ARNT2: variants seen among roughly 807,000 people sequenced by gnomAD.
ARNT2 encodes aryl hydrocarbon receptor nuclear translocator 2.
A neutral mutation model predicts 91.7 loss-of-function variants in ARNT2; 36 were observed. The observed-to-expected ratio is 0.39, with a 90% CI of 0.30 to 0.52. The LOEUF is 0.52. Among genes scored for constraint, ARNT2 ranks in the 20% least tolerant of loss-of-function variants. The probability of loss-of-function intolerance (pLI) is 0.72; values close to 1 mark genes in which losing one functional copy is unlikely to be tolerated. For synonymous variants in ARNT2, 365 were observed against 347.1 expected, an observed-to-expected ratio of 1.05 and a Z score of -0.57; for missense variants, 775 against 939.3, an observed-to-expected ratio of 0.83 and a Z score of 2.29.
At chr15:80,547,225 C>T (rs188010794) in intron 8 of ARNT2, among the ~76,000 whole-genome samples, 2 of 152,114 alleles carry the variant, frequency 1.3e-5, no homozygotes, top group Admixed American at 6.5e-5. Flanking sequence ...GCGCTGATGG[C>T]GTAAAAAGCA....
At chr15:80,436,736 G>T (rs1240105422) in intron 1 of ARNT2, among the ~76,000 whole-genome samples, 1 of 152,224 alleles carries the variant, frequency 6.6e-6, no homozygotes, top group Non-Finnish European at 1.5e-5. Flanking sequence ...GTCTTCATTT[G>T]TGCCTGGGAT....
intron 3 of ARNT2, among the ~76,000 whole-genome samples, chr15:80,466,541 C>T (rs1190042169): frequency 6.6e-6 from 1 of 152,228 alleles, no homozygotes; most frequent in African/African-American, 2.4e-5. Flanking sequence ...CAGGCTCACT[C>T]CTGCAGCTCC....
chr15:80,481,679 C>T (rs1896892287), intron 5 of ARNT2, among the ~76,000 whole-genome samples: 1 of 152,176 alleles, frequency 6.6e-6, no homozygotes, highest in African/African-American at 2.4e-5. Flanking sequence ...TGCCTCTACA[C>T]TCGAGCCTGG....
At position 80,580,534 on chromosome 15, in the gene ARNT2, G is replaced by A. The variant is rs372667174; in HGVS notation, c.1737G>A (p.Pro579=). 2.5e-5 allele frequency: 41 copies of A among 1,613,938 alleles called. 1 individual carries two copies. Among genetic ancestry groups the A allele is most frequent in the Middle Eastern group, 3.3e-4 (2 of 5,994 alleles). Residue 579 remains proline (P), a synonymous_variant, in exon 16 of 19, where the codon CCG becomes CCA. Transcript: ENST00000303329. ...AGGTGGCATGGACAGGGAGTCGTCC[G>A]CCCTTTCCGGGACAGGTATGGGCAT... ...QSQVAWTGSR[P]PFPGQQIPSQ...
chr15:80,541,562 G>A (rs1344728467), intron 8 of ARNT2, among the ~76,000 whole-genome samples: 1 of 152,060 alleles, frequency 6.6e-6, no homozygotes, highest in Non-Finnish European at 1.5e-5. Context: ...TCTTTCCCAA[G>A]GCTGATATCC....
At chr15:80,481,332 G>C (rs377671461) in intron 5 of ARNT2, among the ~76,000 whole-genome samples, 3 of 152,162 alleles carry the variant, frequency 2.0e-5, no homozygotes, top group African/African-American at 2.4e-5. Flanking sequence ...AGAGTTTAAA[G>C]ATGGTGCATT....
rs143246516 is a variant in ARNT2, at chr15:80,535,262, A to T, written c.878-15937A>T. Among the ~76,000 whole-genome samples, 859 of 152,290 alleles carry T rather than the reference A, an allele frequency of 5.6e-3. 12 individuals are homozygous for T. The highest frequency in any genetic ancestry group is 0.019 in the African/African-American group (792 of 41,536). ...TTAGTCCCAGAGTTAGTTTTATAAA[A>T]CACGTGATTGCTGTTTTTGCAATCG... is the stretch of plus-strand genomic sequence containing the variant. On this transcript the variant is annotated intron_variant, in intron 8 of 18. Coordinates refer to ENST00000303329, the MANE Select transcript of ARNT2 (RefSeq NM_014862.4).
intron 1 of ARNT2, among the ~76,000 whole-genome samples, chr15:80,418,064 TTCTC>T (rs1373560486): frequency 1.3e-5 from 2 of 152,228 alleles, no homozygotes; most frequent in Non-Finnish European, 2.9e-5. Context: ...CACTACTTGT[TTCTC>T]TCAGCACCAT....
At chr15:80,471,087 T>A (rs1041014688) in intron 4 of ARNT2, among the ~76,000 whole-genome samples, 1 of 152,254 alleles carries the variant, frequency 6.6e-6, no homozygotes, top group African/African-American at 2.4e-5. Flanking sequence ...CGTATGTTCA[T>A]TGCAGCACTA....
At chr15:80,555,165 A>G (rs1370134049) in intron 11 of ARNT2, 26 bp downstream of exon 11, 1 of 1,610,652 alleles carries the variant, frequency 6.2e-7, no homozygotes, top group Non-Finnish European at 8.5e-7. Flanking sequence ...ACCCACTTAA[A>G]GCTGATGCAT....
intron 12 of ARNT2, among the ~76,000 whole-genome samples, chr15:80,569,158 C>T (rs143407718): frequency 2.0e-5 from 3 of 152,190 alleles, no homozygotes; most frequent in East Asian, 1.9e-4. Flanking sequence ...TCAGAATGCC[C>T]GCTTCATGGC....
chr15:80,576,945 A>C lies in ARNT2; in HGVS notation c.1593A>C (p.Gly531=). Reference sequence around the variant, plus strand: ...CCCAAGGAAGCCCATTTCCCTCTGGACACTCCGGGAAGGCCTTCAGGTATG... The same window carrying C: ...CCCAAGGAAGCCCATTTCCCTCTGGCCACTCCGGGAAGGCCTTCAGGTATG... ...IYSQGSPFPS[G]HSGKAFSSSV... The change falls in exon 15 of 19, where the codon GGA becomes GGC. Residue 531 remains glycine, a synonymous_variant. Transcript: ENST00000303329. 6.2e-7 allele frequency: 1 copy of C among 1,614,072 alleles called. No individual in the cohort carries two copies. The highest frequency in any genetic ancestry group is 8.5e-7 in the Non-Finnish European group (1 of 1,180,032).
chr15:80,591,743 G>T lies in ARNT2; in HGVS notation c.2055+39G>T, dbSNP rs368539766. 2 of 1,609,942 alleles carry T rather than the reference G, an allele frequency of 1.2e-6. No individual in the cohort carries two copies. The highest frequency in any genetic ancestry group is 2.2e-5 in the South Asian group (2 of 90,954). On this transcript the variant is annotated intron_variant, in intron 18 of 18. Coordinates refer to ENST00000303329, the MANE Select transcript of ARNT2 (RefSeq NM_014862.4). This position sits in a 1 kb window ranked among gnomAD's most constrained non-coding sequence, Gnocchi z 5.1. ...GCACCGCCTTCTCGTAGGTACCGGCGCCTTCTCTCTGCTTCCTTTCCCCCT... is the reference window on the plus strand; with the variant it reads ...GCACCGCCTTCTCGTAGGTACCGGCTCCTTCTCTCTGCTTCCTTTCCCCCT...
Position 80,591,031 on chromosome 15 carries a change from G to A in ARNT2, c.1919-537G>A, listed in dbSNP as rs965017074. Among the ~76,000 whole-genome samples the A allele has an allele frequency of 2.6e-5, 4 of 152,302 alleles. No individual in the cohort carries two copies. The highest frequency in any genetic ancestry group is 4.1e-4 in the South Asian group (2 of 4,832). On this transcript the variant is annotated intron_variant, in intron 17 of 18. Transcript: ENST00000303329. This position sits in a 1 kb window ranked among gnomAD's most constrained non-coding sequence, Gnocchi z 5.1. Reference sequence around the variant, plus strand: ...GTGTGTGGCTTCCGAGGAGTTGCTCGGGGGCAGAGGCTGAGGTTGGGAATG... The same window carrying A: ...GTGTGTGGCTTCCGAGGAGTTGCTCAGGGGCAGAGGCTGAGGTTGGGAATG...
At chr15:80,519,667 T>C (rs1319837774) in intron 8 of ARNT2, among the ~76,000 whole-genome samples, 1 of 150,692 alleles carries the variant, frequency 6.6e-6, no homozygotes, top group African/African-American at 2.4e-5. Flanking sequence ...ATGAACAAAT[T>C]GTGGGGAGGT....
intron 8 of ARNT2, among the ~76,000 whole-genome samples, chr15:80,525,078 T>G (rs988612367): frequency 2.0e-5 from 3 of 152,114 alleles, no homozygotes; most frequent in Non-Finnish European, 4.4e-5. Flanking sequence ...TATTCATTTC[T>G]GTATTTTCCA....
chr15:80,572,745 A>G (rs1898605165), intron 12 of ARNT2, among the ~76,000 whole-genome samples: 1 of 152,214 alleles, frequency 6.6e-6, no homozygotes, highest in Non-Finnish European at 1.5e-5. Flanking sequence ...CAGACACTTG[A>G]GAGATTGTTT....
chr15:80,424,163 G>C (rs1251303179), intron 1 of ARNT2, among the ~76,000 whole-genome samples: 3 of 152,102 alleles, frequency 2.0e-5, no homozygotes, highest in Non-Finnish European at 4.4e-5. Context: ...ACCAGATCTG[G>C]GCATGTATAC....
intron 1 of ARNT2, among the ~76,000 whole-genome samples, chr15:80,439,123 A>G (rs1896144992): frequency 6.6e-6 from 1 of 152,164 alleles, no homozygotes. Context: ...TTATATTTAT[A>G]CACCATCTGA....
Sources: allele counts gnomAD v4.1 joint callset (sites outside exome capture counted in the v4.1 genomes callset), GRCh38; gene constraint gnomAD v4.1.1; non-coding constraint Gnocchi (gnomAD v3.1); transcripts MANE v1.5; gene names NCBI Gene and HGNC (gene_info 2026-07-23, HGNC 2026-07-21).